The following ASIC2 variants were observed in gnomAD, a reference collection of about 807,000 sequenced individuals.
ASIC2 encodes the protein acid-sensing ion channel 2.
ASIC2 carries 25 observed loss-of-function variants against 57.3 expected under a neutral mutation model. The ratio of observed to expected loss-of-function variants is 0.44; its 90% CI spans 0.32 to 0.61. The LOEUF (loss-of-function observed/expected upper bound fraction) is 0.61, where lower values mean the gene tolerates loss of function less well. Ranked by LOEUF, ASIC2 falls within the 20% of genes least tolerant of loss-of-function variation. ASIC2 has a pLI of 0.06. For synonymous variants in ASIC2, 319 were observed against 307.5 expected (o/e 1.04, Z -0.39); for missense variants, 641 against 738.1 (o/e 0.87, Z 1.52).
chr17:34,046,489 C>T (rs62058978), intron 1 of ASIC2, among the ~76,000 whole-genome samples: 1 of 152,178 alleles, frequency 6.6e-6, no homozygotes, highest in Non-Finnish European at 1.5e-5. Flanking sequence ...AGGAATTAAT[C>T]AATGCTGGCT....
At chr17:33,037,160 A>T (rs1370152203) in intron 3 of ASIC2, among the ~76,000 whole-genome samples, 1 of 143,366 alleles carries the variant, frequency 7.0e-6, no homozygotes, top group Non-Finnish European at 1.5e-5. Flanking sequence ...AATTGGTTGG[A>T]TCCCCTACAT....
chr17:33,779,226 C>G (rs1482754472), intron 1 of ASIC2, among the ~76,000 whole-genome samples: 2 of 152,138 alleles, frequency 1.3e-5, no homozygotes, highest in East Asian at 1.9e-4. Flanking sequence ...TCTTAGAATT[C>G]TGTTAAGTTC....
intron 1 of ASIC2, among the ~76,000 whole-genome samples, chr17:33,183,176 GT>G (rs1906054855): frequency 6.6e-6 from 1 of 152,196 alleles, no homozygotes; most frequent in Non-Finnish European, 1.5e-5. Flanking sequence ...ATACTCGAAA[GT>G]AAGTTCTAAA....
intron 1 of ASIC2, among the ~76,000 whole-genome samples, chr17:33,799,556 T>G (rs1306009561): frequency 1.3e-5 from 2 of 150,614 alleles, no homozygotes; most frequent in African/African-American, 4.9e-5. Context: ...AACATTTTAT[T>G]TCCTGCTTTT....
At chr17:33,351,673 G>A (rs72821114) in intron 1 of ASIC2, among the ~76,000 whole-genome samples, 13,400 of 152,242 alleles carry the variant, frequency 0.088, 753 homozygotes, top group Non-Finnish European at 0.13. Context: ...TGTGGTGCCT[G>A]TCGAAATGCA....
intron 1 of ASIC2, among the ~76,000 whole-genome samples, chr17:33,642,078 A>T (rs1389924118): frequency 1.3e-5 from 2 of 152,198 alleles, no homozygotes; most frequent in Non-Finnish European, 1.5e-5. Context: ...ATCAGAGAGC[A>T]CCAAGACCTT....
Position 33,430,859 on chromosome 17 carries a change from G to T in ASIC2, c.556-318792C>A, listed in dbSNP as rs574910814. On this transcript the variant is annotated intron_variant, in intron 1 of 9. Transcript: ENST00000359872. ...ACAAACAGAGCAACTAGAGACCAAAGCTCCTAAACCCATGGACATTTATTA... is the reference window on the plus strand; with the variant it reads ...ACAAACAGAGCAACTAGAGACCAAATCTCCTAAACCCATGGACATTTATTA... Among the ~76,000 whole-genome samples the T allele has an allele frequency of 1.4e-4, 21 of 152,304 alleles. 1 individual carries two copies. In the South Asian group the frequency reaches 4.3e-3, roughly 32 times the overall value.
At chr17:33,885,714 T>G (rs1258605470) in intron 1 of ASIC2, among the ~76,000 whole-genome samples, 1 of 152,214 alleles carries the variant, frequency 6.6e-6, no homozygotes, top group Admixed American at 6.5e-5. Context: ...CAATTAAAAG[T>G]CAGCTCACTT....
chr17:33,977,590 T>C (rs73990113), intron 1 of ASIC2, among the ~76,000 whole-genome samples: 67 of 152,324 alleles, frequency 4.4e-4, no homozygotes, highest in African/African-American at 1.6e-3. Flanking sequence ...ACAGTTTTTC[T>C]ATCCTCGATA....
intron 1 of ASIC2, among the ~76,000 whole-genome samples, chr17:33,994,505 A>G (rs544201672): frequency 6.6e-6 from 1 of 152,102 alleles, no homozygotes; most frequent in South Asian, 2.1e-4. Context: ...CTACTCAGTA[A>G]TTGCCTCTTT....
intron 1 of ASIC2, among the ~76,000 whole-genome samples, chr17:33,253,187 C>T (rs1054348929): frequency 2.0e-4 from 30 of 152,136 alleles, no homozygotes; most frequent in African/African-American, 7.2e-4. Context: ...TCACACAGCT[C>T]GCAGGAGACA....
intron 1 of ASIC2, among the ~76,000 whole-genome samples, chr17:33,210,178 C>A (rs1907217940): frequency 1.3e-5 from 2 of 152,136 alleles, no homozygotes; most frequent in South Asian, 4.2e-4. Flanking sequence ...GGAGCCAGTA[C>A]CCATTAGGCA....
At chr17:33,526,247 C>G (rs1914881964) in intron 1 of ASIC2, among the ~76,000 whole-genome samples, 1 of 152,142 alleles carries the variant, frequency 6.6e-6, no homozygotes, top group South Asian at 2.1e-4. Context: ...TAAGTGAGAT[C>G]TCTCAGACGC....
intron 1 of ASIC2, among the ~76,000 whole-genome samples, chr17:33,508,070 CCT>C (rs560826121): frequency 1.0e-3 from 154 of 152,214 alleles, no homozygotes; most frequent in African/African-American, 3.3e-3. Context: ...TGCCCCATTT[CCT>C]GACTCCTCCT....
chr17:33,796,276 A>C (rs927080654), intron 1 of ASIC2, among the ~76,000 whole-genome samples: 2 of 152,180 alleles, frequency 1.3e-5, no homozygotes, highest in African/African-American at 2.4e-5. Flanking sequence ...CAGAATGGAA[A>C]ACACATAATG....
chr17:34,016,525 T>A (rs1325431372), intron 1 of ASIC2, among the ~76,000 whole-genome samples: 2 of 151,886 alleles, frequency 1.3e-5, no homozygotes, highest in Non-Finnish European at 2.9e-5. Context: ...GATGGAAATG[T>A]GTTTGAGGTA....
chr17:33,334,211 A>G (rs886649779), intron 1 of ASIC2, among the ~76,000 whole-genome samples: 13 of 152,178 alleles, frequency 8.5e-5, no homozygotes. Context: ...TTATTTCACA[A>G]TAAGATTGGA....
chr17:34,106,297 T>C (rs2142105518), intron 1 of ASIC2, among the ~76,000 whole-genome samples: 1 of 152,286 alleles, frequency 6.6e-6, no homozygotes, highest in Admixed American at 6.5e-5. Flanking sequence ...TAGTTATTGA[T>C]ATTTCTCTTT....
chr17:33,080,523 C>A (rs1045836978), intron 3 of ASIC2, among the ~76,000 whole-genome samples: 1 of 152,100 alleles, frequency 6.6e-6, no homozygotes, highest in Non-Finnish European at 1.5e-5. Context: ...GTACCCACCC[C>A]ATATGTATCA....
Sources: allele counts gnomAD v4.1 joint callset (sites outside exome capture counted in the v4.1 genomes callset), GRCh38; gene constraint gnomAD v4.1.1; transcripts MANE v1.5; gene names NCBI Gene and HGNC (gene_info 2026-07-23, HGNC 2026-07-21).